ROR2: variants seen among roughly 807,000 people sequenced by gnomAD.
ROR2 encodes tyrosine-protein kinase transmembrane receptor ROR2.
A neutral mutation model predicts 74.9 loss-of-function variants in ROR2; 33 were observed. The ratio of observed to expected loss-of-function variants is 0.44; its 90% confidence interval spans 0.33 to 0.59. The LOEUF is 0.59. ROR2 is among the 20% of genes least tolerant of loss of function. The pLI, the probability that ROR2 is intolerant of heterozygous loss-of-function variation, is 0.02. For synonymous variants in ROR2, 586 were observed against 558.7 expected (o/e 1.05, Z -0.69); for missense variants, 1,216 against 1,313.8 (o/e 0.93, Z 1.15).
At chr9:91,909,859 T>TG (rs1296583489) in intron 1 of ROR2, among the ~76,000 whole-genome samples, 38 of 127,004 alleles carry the variant, frequency 3.0e-4, no homozygotes, top group South Asian at 5.5e-4. Context: ...TTTTTTTTTT[T>TG]TTTTTTTTTT....
rs3802379 is a variant in ROR2 at position 91,776,022 on chromosome 9, C to T, written c.98-204G>A. On this transcript the variant is annotated intron_variant, in intron 1 of 8. Coordinates refer to ENST00000375708, the MANE Select transcript of ROR2 (RefSeq NM_004560.4). ...TGTAACAGTAAAAGTGATTTTGAAGCTTATCACAAGAATAGCAAATGCGGG... is the reference window on the plus strand; with the variant it reads ...TGTAACAGTAAAAGTGATTTTGAAGTTTATCACAAGAATAGCAAATGCGGG... Among the ~76,000 whole-genome samples, 4,743 of 152,202 alleles carry T rather than the reference C, an allele frequency of 0.031. 125 individuals are homozygous for T. Among genetic ancestry groups the T allele is most frequent in the East Asian group, 0.13 (666 of 5,174 alleles).
intron 1 of ROR2, among the ~76,000 whole-genome samples, chr9:91,921,650 G>C (rs1370967931): frequency 6.6e-6 from 1 of 152,142 alleles, no homozygotes; most frequent in Non-Finnish European, 1.5e-5. Flanking sequence ...GATTACTTGA[G>C]GTCAGAAGTA....
rs1229158224 is a variant in ROR2 at position 91,949,991 on chromosome 9, C to T, written c.-28G>A. On this transcript the variant is annotated 5_prime_UTR_variant, in exon 1 of 9. Transcript: ENST00000375708. ...CGCAGGCAGTGGGGGCCGGGAAGCC[C>T]TCAGAGCTTCGGGCCGGGGCGCGGG... The T allele has an allele frequency of 3.1e-6, 4 of 1,301,688 alleles. No individual in the cohort carries two copies. The highest frequency in any genetic ancestry group is 3.0e-6 in the Non-Finnish European group (3 of 1,002,702). The allele number at this position is 1,301,688 out of a possible 1,614,324, so 80.6% of individuals were successfully genotyped here.
At chr9:91,852,691 T>C (rs1182420353) in intron 1 of ROR2, among the ~76,000 whole-genome samples, 1 of 147,874 alleles carries the variant, frequency 6.8e-6, no homozygotes, top group Non-Finnish European at 1.5e-5. Context: ...CGGTAAAAAA[T>C]AGGGTCCGTG....
At chr9:91,853,898 C>T (rs1045510253) in intron 1 of ROR2, among the ~76,000 whole-genome samples, 1 of 152,098 alleles carries the variant, frequency 6.6e-6, no homozygotes, top group Admixed American at 6.6e-5. Flanking sequence ...GTGCATGAGA[C>T]GCTGAGGAAC....
At chr9:91,790,512 TAAAA>T (rs60624626) in intron 1 of ROR2, among the ~76,000 whole-genome samples, 1 of 137,490 alleles carries the variant, frequency 7.3e-6, no homozygotes. Context: ...CCGTCTCAAT[TAAAA>T]AAAAAAAAAA....
chr9:91,819,607 TTGTC>T (rs533091065), intron 1 of ROR2, among the ~76,000 whole-genome samples: 148 of 151,308 alleles, frequency 9.8e-4, no homozygotes, highest in Non-Finnish European at 1.8e-3. Flanking sequence ...GTGTCTGTGT[TTGTC>T]TGTCTTTGAG....
chr9:91,825,748 A>G (rs1288978171), intron 1 of ROR2, among the ~76,000 whole-genome samples: 1 of 151,998 alleles, frequency 6.6e-6, no homozygotes, highest in Non-Finnish European at 1.5e-5. Flanking sequence ...ATTTTGCTGG[A>G]AAAAAAGTGG....
At chr9:91,936,759 G>A (rs978109135) in intron 1 of ROR2, among the ~76,000 whole-genome samples, 8 of 151,750 alleles carry the variant, frequency 5.3e-5, no homozygotes, top group East Asian at 1.9e-4. Flanking sequence ...GGCCGGGCGC[G>A]GTGGCTCACG....
intron 1 of ROR2, among the ~76,000 whole-genome samples, chr9:91,882,940 C>T (rs1300921872): frequency 2.0e-5 from 3 of 152,096 alleles, no homozygotes; most frequent in African/African-American, 7.2e-5. Context: ...TGTGGGACTT[C>T]GTTATGGCAG....
intron 1 of ROR2, among the ~76,000 whole-genome samples, chr9:91,778,264 T>C (rs1370943665): frequency 6.6e-6 from 1 of 152,272 alleles, no homozygotes; most frequent in Non-Finnish European, 1.5e-5. Context: ...CACGTGCTTC[T>C]GCACCTAATG....
At chr9:91,838,856 G>A (rs1220047811) in intron 1 of ROR2, among the ~76,000 whole-genome samples, 1 of 152,098 alleles carries the variant, frequency 6.6e-6, no homozygotes, top group Non-Finnish European at 1.5e-5. Flanking sequence ...TAAATAAACG[G>A]GCACAAAGAA....
chr9:91,768,834 C>T (rs1364425414), intron 2 of ROR2, among the ~76,000 whole-genome samples: 5 of 152,132 alleles, frequency 3.3e-5, no homozygotes, highest in African/African-American at 1.2e-4. Flanking sequence ...AGTTTTCTTC[C>T]AAGACCATTC....
At chr9:91,808,979 G>C (rs1442825877) in intron 1 of ROR2, among the ~76,000 whole-genome samples, 4 of 151,428 alleles carry the variant, frequency 2.6e-5, no homozygotes, top group Admixed American at 2.6e-4. Context: ...CTCCAGCCTG[G>C]GCAACAGAGT....
intron 1 of ROR2, among the ~76,000 whole-genome samples, chr9:91,803,162 T>C (rs1827445865): frequency 6.6e-6 from 1 of 152,230 alleles, no homozygotes. Context: ...GCAACCCAAG[T>C]GCCCTCAGGT....
At position 91,733,329 on chromosome 9, in the gene ROR2, G is replaced by A. The variant is rs148340413; in HGVS notation, c.730C>T (p.Arg244Trp). 606 of 1,612,308 alleles carry A rather than the reference G, an allele frequency of 3.8e-4. 7 individuals are homozygous for A. The South Asian group carries it at 4.3e-3, about 11-fold the overall frequency. ...CACAGCTCACGCGGCTTGGGTGTCC[G>A]GGAGCGCGCGTCGCACAGAGGAAAC... ...FVFPLCDARS[R>W]TPKPRELCRD... The change falls in exon 6 of 9, where the codon CGG (arginine) becomes TGG (tryptophan). Residue 244 changes from arginine (R) to tryptophan (W), a missense_variant. Transcript: ENST00000375708. This position sits in a 1 kb window ranked among gnomAD's most constrained non-coding sequence, Gnocchi z 5.7.
At position 91,924,709 on chromosome 9, in the gene ROR2, C is replaced by T. The variant is rs1033673975; in HGVS notation, c.97+25158G>A. Among the ~76,000 whole-genome samples, 37 of 151,890 alleles carry T rather than the reference C, an allele frequency of 2.4e-4. 1 individual carries two copies. The East Asian group carries it at 7.0e-3, about 29-fold the overall frequency. On this transcript the variant is annotated intron_variant, in intron 1 of 8. Coordinates refer to ENST00000375708, the MANE Select transcript of ROR2 (RefSeq NM_004560.4). ...TTGGGAGGCTGAGGCAGGAGAATGGCGGGAACCCAGGAGGCGGAGCTTGCA... is the reference window on the plus strand; with the variant it reads ...TTGGGAGGCTGAGGCAGGAGAATGGTGGGAACCCAGGAGGCGGAGCTTGCA...
chr9:91,851,480 C>A (rs979321499), intron 1 of ROR2, among the ~76,000 whole-genome samples: 8 of 152,070 alleles, frequency 5.3e-5, no homozygotes, highest in Admixed American at 4.6e-4. Context: ...TACATTTTGA[C>A]ACTGGGTAGA....
In ROR2 at chr9:91,905,231, C is replaced by G. The variant is rs1283258579; in HGVS notation, c.97+44636G>C. Among the ~76,000 whole-genome samples the G allele has an allele frequency of 6.6e-6, 1 of 151,652 alleles. No homozygotes were observed. The highest frequency in any genetic ancestry group is 1.5e-5 in the Non-Finnish European group (1 of 67,876). On this transcript the variant is annotated intron_variant, in intron 1 of 8. Coordinates refer to ENST00000375708, the MANE Select transcript of ROR2 (RefSeq NM_004560.4). The surrounding 1 kb of genome is among the most constrained non-coding windows in gnomAD (Gnocchi z 5.3). ...CATATACACCAAACACCACTCAACA[C>G]AAACACCACATACAACACATACACA...
Sources: gnomAD v4.1 joint callset for allele counts (sites outside exome capture counted in the v4.1 genomes callset) on GRCh38, gnomAD v4.1.1 for gene constraint, Gnocchi (gnomAD v3.1) non-coding constraint, MANE v1.5 for transcripts, NCBI Gene and HGNC (gene_info 2026-07-23, HGNC 2026-07-21) for gene names.